RICTOR: variants seen among roughly 807,000 people sequenced by gnomAD.
RICTOR encodes the protein RPTOR independent companion of MTOR complex 2.
Under a neutral mutation model 214.9 loss-of-function variants are expected in RICTOR, and 49 were observed. The ratio of observed to expected loss-of-function variants is 0.23; its 90% CI spans 0.18 to 0.29. The LOEUF (loss-of-function observed/expected upper bound fraction) is 0.29. Among genes scored for constraint, RICTOR ranks in the 10% least tolerant of loss-of-function variants. The pLI, the probability that RICTOR is intolerant of heterozygous loss-of-function variation, is 1.00. For synonymous variants in RICTOR, 717 were observed against 711.3 expected, an observed-to-expected ratio of 1.01 and a Z score of -0.13; for missense variants, 1,625 against 2,047.0, an observed-to-expected ratio of 0.79 and a Z score of 3.98.
chr5:39,021,679 G>A (rs1391348551), intron 2 of RICTOR, among the ~76,000 whole-genome samples: 3 of 151,910 alleles, frequency 2.0e-5, no homozygotes, highest in Non-Finnish European at 4.4e-5. Context: ...GGGATGACAT[G>A]GCAAGAAGGC....
At chr5:39,068,390 G>C (rs967428182) in intron 2 of RICTOR, among the ~76,000 whole-genome samples, 5 of 152,174 alleles carry the variant, frequency 3.3e-5, no homozygotes, top group African/African-American at 7.2e-5. Flanking sequence ...GAGAAGGACT[G>C]TATGTAATGA....
At chr5:39,017,148 A>G (rs1305453169) in intron 3 of RICTOR, among the ~76,000 whole-genome samples, 1 of 152,232 alleles carries the variant, frequency 6.6e-6, no homozygotes, top group South Asian at 2.1e-4. Flanking sequence ...TCTTACCTCC[A>G]TCCCCAACTT....
At chr5:38,987,047 A>G (rs1026937864) in intron 7 of RICTOR, among the ~76,000 whole-genome samples, 1 of 152,234 alleles carries the variant, frequency 6.6e-6, no homozygotes, top group African/African-American at 2.4e-5. Context: ...CGTATGCTGA[A>G]CTAGCCTTGC....
At chr5:38,947,971 A>G (rs1748383028) in intron 31 of RICTOR, among the ~76,000 whole-genome samples, 2 of 152,198 alleles carry the variant, frequency 1.3e-5, no homozygotes, top group Admixed American at 6.6e-5. Context: ...CAAAATGGTC[A>G]TTTATGACGA....
At chr5:39,047,412 G>C (rs763291556) in intron 2 of RICTOR, among the ~76,000 whole-genome samples, 1 of 152,192 alleles carries the variant, frequency 6.6e-6, no homozygotes, top group Non-Finnish European at 1.5e-5. Context: ...AGGCAGAGCA[G>C]GTGGTAATGT....
intron 9 of RICTOR, among the ~76,000 whole-genome samples, chr5:38,976,322 T>A (rs1341503230): frequency 6.6e-6 from 1 of 151,496 alleles, no homozygotes; most frequent in Non-Finnish European, 1.5e-5. Context: ...TTTTTTTTAA[T>A]CTTTCCTACT....
chr5:38,999,027 C>CAAAA (rs1186312478), intron 5 of RICTOR, among the ~76,000 whole-genome samples: 303 of 23,692 alleles, frequency 0.013, no homozygotes, highest in Middle Eastern at 0.042. Flanking sequence ...AACAAACAGG[C>CAAAA]AAAAAAAAAA....
intron 2 of RICTOR, among the ~76,000 whole-genome samples, chr5:39,032,149 C>T (rs1756322078): frequency 6.6e-6 from 1 of 152,138 alleles, no homozygotes; most frequent in African/African-American, 2.4e-5. Context: ...CCTATTCCAT[C>T]TTTGGATAGA....
chr5:38,950,040 A>G lies in RICTOR; in HGVS notation c.3808T>C (p.Leu1270=), dbSNP rs761014631. Residue 1270 remains leucine, a synonymous_variant, in exon 31 of 38, where the codon TTG becomes CTG. Transcript: ENST00000357387. ...STKTIKTSHY[L]TPQSNHLSLS... is the part of the protein sequence containing the mutation. ...GACAGATGGTTAGACTGTGGCGTCA[A>G]ATAGTGGCTTGTCTTAATAGTTTTA... 1 of 1,613,460 alleles carries G rather than the reference A, an allele frequency of 6.2e-7. No individual in the cohort carries two copies. The highest frequency in any genetic ancestry group is 1.1e-5 in the South Asian group (1 of 91,064).
chr5:39,042,458 A>G (rs913542000), intron 2 of RICTOR, among the ~76,000 whole-genome samples: 1 of 152,194 alleles, frequency 6.6e-6, no homozygotes, highest in Non-Finnish European at 1.5e-5. Flanking sequence ...TTAGAGACAT[A>G]GTTCACTTGC....
intron 7 of RICTOR, among the ~76,000 whole-genome samples, chr5:38,985,552 T>C (rs952316398): frequency 1.3e-5 from 2 of 152,194 alleles, no homozygotes; most frequent in Non-Finnish European, 1.5e-5. Flanking sequence ...TAGTAATATC[T>C]ATAGCTGCCA....
At chr5:39,052,486 T>G (rs1485385982) in intron 2 of RICTOR, among the ~76,000 whole-genome samples, 1 of 152,262 alleles carries the variant, frequency 6.6e-6, no homozygotes, top group East Asian at 1.9e-4. Flanking sequence ...AAGGATGTAA[T>G]CCCATCATAA....
At chr5:39,019,906 C>T (rs1404943992) in intron 3 of RICTOR, among the ~76,000 whole-genome samples, 2 of 152,162 alleles carry the variant, frequency 1.3e-5, no homozygotes, top group Non-Finnish European at 2.9e-5. Flanking sequence ...AAGAACATTC[C>T]TGATTCATGG....
chr5:39,059,905 TG>T (rs1364669647), intron 2 of RICTOR, among the ~76,000 whole-genome samples: 4 of 152,060 alleles, frequency 2.6e-5, no homozygotes, highest in African/African-American at 7.2e-5. Context: ...CAAAAGGAGA[TG>T]AAGAAACACG....
rs554780508 is a variant in RICTOR at position 39,037,389 on chromosome 5, A to G, written c.98-16253T>C. On this transcript the variant is annotated intron_variant, in intron 2 of 37. Transcript: ENST00000357387. ...AGGAAAGATCCAAAATTGACACCCT[A>G]ACATCACAATTAAAAGAACTAGAGA... is the stretch of plus-strand genomic sequence containing the variant. Among the ~76,000 whole-genome samples, 207 of 152,216 alleles carry G rather than the reference A, an allele frequency of 1.4e-3. 2 individuals carry two copies. The highest frequency in any genetic ancestry group is 4.7e-3 in the African/African-American group (194 of 41,526).
At chr5:39,052,224 A>C (rs543817415) in intron 2 of RICTOR, among the ~76,000 whole-genome samples, 1 of 152,138 alleles carries the variant, frequency 6.6e-6, no homozygotes, top group Non-Finnish European at 1.5e-5. Flanking sequence ...AAAAATTTTT[A>C]AATTAGCCAG....
rs2112859609 is a variant in RICTOR, at chr5:38,950,732, G to A, written c.3128-12C>T. ...CAATATGAACATACCTATGATTGAA[G>A]GATCAATTAATAAAAACACATATAA... is the stretch of plus-strand genomic sequence containing the variant. On this transcript the variant is annotated splice_polypyrimidine_tract_variant and intron_variant, in intron 30 of 37. Transcript: ENST00000357387. The A allele has an allele frequency of 6.5e-7, 1 of 1,533,840 alleles. No homozygotes were observed. The highest frequency in any genetic ancestry group is 1.3e-5 in the South Asian group (1 of 79,342).
chr5:39,029,884 CA>C (rs1756136484), intron 2 of RICTOR, among the ~76,000 whole-genome samples: 1 of 152,136 alleles, frequency 6.6e-6, no homozygotes, highest in African/African-American at 2.4e-5. Context: ...AACCAATTTT[CA>C]CAGAGTAATC....
At chr5:39,046,029 A>AAATAAATAAATAAATAAATG (rs1757469203) in intron 2 of RICTOR, among the ~76,000 whole-genome samples, 3 of 20,104 alleles carry the variant, frequency 1.5e-4, no homozygotes, top group Admixed American at 1.0e-3. Flanking sequence ...CTGTCTTTAA[A>AAATAAATAAATAAATAAATG]AATAAATAAA....
Sources: gnomAD v4.1 joint callset for allele counts (sites outside exome capture counted in the v4.1 genomes callset) on GRCh38, gnomAD v4.1.1 for gene constraint, MANE v1.5 for transcripts, NCBI Gene and HGNC (gene_info 2026-07-23, HGNC 2026-07-21) for gene names.